The following ACBD4 variants were observed in gnomAD, a reference collection of about 807,000 sequenced individuals.
ACBD4 encodes acyl-CoA-binding domain-containing protein 4.
Under a neutral mutation model 46.0 loss-of-function variants are expected in ACBD4, and 41 were observed. The ratio of observed to expected loss-of-function variants is 0.89; its 90% CI spans 0.69 to 1.16. ACBD4 has a LOEUF of 1.16. Ranked by LOEUF, ACBD4 falls within the 50% of genes most tolerant of loss-of-function variation. The probability of loss-of-function intolerance (pLI) is 0.00; values close to 1 mark genes in which losing one functional copy is unlikely to be tolerated. For missense variants in ACBD4, 393 were observed against 399.5 expected (o/e 0.98, Z 0.14); for synonymous variants, 162 against 155.9 (o/e 1.04, Z -0.29).
intron 5 of ACBD4, 88 bp from the exon 6 acceptor site, chr17:45,137,280 T>TCCAC (rs1321315456): frequency 8.7e-6 from 14 of 1,600,330 alleles, no homozygotes; most frequent in Middle Eastern, 1.6e-4. Flanking sequence ...CCAGGCAGCA[T>TCCAC]CCACGGCTCA....
intron 8 of ACBD4, 33 bp downstream of exon 8, chr17:45,138,021 G>A: frequency 6.3e-7 from 1 of 1,591,074 alleles, no homozygotes; most frequent in Non-Finnish European, 8.6e-7. Flanking sequence ...ACCCACTTCT[G>A]CCCTTTCCCG....
At position 45,138,175 on chromosome 17, in the gene ACBD4, C is replaced by G. The variant is rs959372035; in HGVS notation, c.649+187C>G. 3.2e-5 allele frequency: 21 copies of G among 646,184 alleles called. No individual in the cohort carries two copies. The East Asian group carries it at 5.5e-4, about 17-fold the overall frequency. The allele number at this position is 646,184 out of a possible 1,614,324, so 40.0% of individuals were successfully genotyped here. A position where few individuals can be genotyped will look rare whatever the true frequency, so the allele number is the denominator to read the frequency against. On this transcript the variant is annotated intron_variant, in intron 8 of 9. Coordinates refer to ENST00000321854, the MANE Select transcript of ACBD4 (RefSeq NM_001135705.3). Reference sequence around the variant, plus strand: ...TGCCTGGATGGGCAAAGTCCCCGCCCTCCCTCCTCTCCCCAAAGGGCACCC... The same window carrying G: ...TGCCTGGATGGGCAAAGTCCCCGCCGTCCCTCCTCTCCCCAAAGGGCACCC...
chr17:45,132,800 T>G, upstream of ACBD4: 2 of 155,054 alleles, frequency 1.3e-5, no homozygotes, highest in Non-Finnish European at 2.9e-5. The surrounding 1 kb of genome is among the most constrained non-coding windows in gnomAD (Gnocchi z 4.6). Flanking sequence ...CACCCTCTCC[T>G]TCCCGGGGGC....
At chr17:45,136,887 C>T (rs2054879010) in intron 4 of ACBD4, 111 bp downstream of exon 4, 1 of 1,578,932 alleles carries the variant, frequency 6.3e-7, no homozygotes, top group Non-Finnish European at 8.7e-7. Flanking sequence ...GGAATCACCA[C>T]CTTCATGTTA....
rs1363756114 is a variant in ACBD4, at chr17:45,143,770, C to T, written c.*199C>T. 4 of 861,712 alleles carry T rather than the reference C, an allele frequency of 4.6e-6. No individual in the cohort carries two copies. The highest frequency in any genetic ancestry group is 3.5e-5 in the South Asian group (2 of 56,964). The allele number at this position is 861,712 out of a possible 1,614,324, so 53.4% of individuals were successfully genotyped here. On this transcript the variant is annotated 3_prime_UTR_variant, in exon 10 of 10. Transcript: ENST00000321854. ...TCACAGGGACGCTTCCTTCCCTCCC[C>T]GCAACCACCCCAGGCTCCCCTGGGA...
intron 9 of ACBD4, among the ~76,000 whole-genome samples, 153 bp downstream of exon 9, chr17:45,139,313 G>C (rs1301599747): frequency 6.6e-6 from 1 of 152,200 alleles, no homozygotes; most frequent in African/African-American, 2.4e-5. Context: ...GGCAGGAGGT[G>C]GGGGTGAGGG....
intron 4 of ACBD4, 30 bp from the exon 5 acceptor site, chr17:45,136,989 T>A: frequency 6.2e-7 from 1 of 1,613,518 alleles, no homozygotes; most frequent in Non-Finnish European, 8.5e-7. Context: ...AGGAGGCCAC[T>A]CCGTCCCCAA....
chr17:45,131,983 C>G (rs1032653623), upstream of ACBD4, among the ~76,000 whole-genome samples: 1 of 152,224 alleles, frequency 6.6e-6, no homozygotes, highest in African/African-American at 2.4e-5. Flanking sequence ...CCCACCAGCG[C>G]CCCGTGCCCG....
chr17:45,139,311 G>A (rs2055112414), intron 9 of ACBD4, 151 bp downstream of exon 9: 6 of 856,356 alleles, frequency 7.0e-6, no homozygotes, highest in African/African-American at 1.7e-5. Context: ...CAGGCAGGAG[G>A]TGGGGGTGAG....
At chr17:45,132,217 C>T, upstream of ACBD4, 1 of 1,252,578 alleles carries the variant, frequency 8.0e-7, no homozygotes, top group Non-Finnish European at 1.0e-6. The surrounding 1 kb of genome is among the most constrained non-coding windows in gnomAD (Gnocchi z 4.6). Context: ...ACGGTCCGCG[C>T]CCACCCCACC....
chr17:45,142,535 C>G (rs1449224109), intron 9 of ACBD4: 2 of 280,022 alleles, frequency 7.1e-6, no homozygotes, highest in Non-Finnish European at 1.4e-5. Context: ...ATTCAGTATT[C>G]CCAGGAGCCA....
At chr17:45,132,276 C>A (rs550742003), upstream of ACBD4, 130 of 1,274,102 alleles carry the variant, frequency 1.0e-4, no homozygotes, top group East Asian at 3.8e-3. The surrounding 1 kb of genome is among the most constrained non-coding windows in gnomAD (Gnocchi z 4.6). Flanking sequence ...GCAGCCCGGG[C>A]CTCTTGGTGC....
rs1848417401 is a variant in ACBD4 at position 45,135,927 on chromosome 17, A to T, written c.-64A>T. 2 of 553,170 alleles carry T rather than the reference A, an allele frequency of 3.6e-6. No homozygotes were observed. The highest frequency in any genetic ancestry group is 4.4e-5 in the South Asian group (2 of 45,356). The allele number at this position is 553,170 out of a possible 1,614,324, so 34.3% of individuals were successfully genotyped here. On this transcript the variant is annotated 5_prime_UTR_variant, in exon 1 of 10. Coordinates refer to ENST00000321854, the MANE Select transcript of ACBD4 (RefSeq NM_001135705.3). ...TCGCCACCTGCCTCGCCACCTGGCG[A>T]CCCTGACCCCACCACACTGCCTTGA... is the stretch of plus-strand genomic sequence containing the variant.
chr17:45,136,014 A>C (rs1291540787), intron 1 of ACBD4, 61 bp downstream of exon 1: 1 of 884,874 alleles, frequency 1.1e-6, no homozygotes, highest in Non-Finnish European at 1.7e-6. Context: ...GAGGCCTCTA[A>C]AGAGCTTAGT....
chr17:45,143,761 T>G lies in ACBD4; in HGVS notation c.*190T>G. On this transcript the variant is annotated 3_prime_UTR_variant, in exon 10 of 10. Transcript: ENST00000321854. ...CCTGCAGCTTCACAGGGACGCTTCC[T>G]TCCCTCCCCGCAACCACCCCAGGCT... is the stretch of plus-strand genomic sequence containing the variant. 4.3e-6 allele frequency: 4 copies of G among 937,590 alleles called. No individual in the cohort carries two copies. Among genetic ancestry groups the G allele is most frequent in the African/African-American group, 1.7e-5 (1 of 59,928 alleles). The allele number at this position is 937,590 out of a possible 1,614,324, so 58.1% of individuals were successfully genotyped here.
rs201108469 is a variant in ACBD4, at chr17:45,138,005, C to A, written c.649+17C>A. The A allele has an allele frequency of 3.7e-5, 59 of 1,609,122 alleles. No individual in the cohort carries two copies. In the East Asian group the frequency reaches 5.1e-4, roughly 14 times the overall value. On this transcript the variant is annotated intron_variant, in intron 8 of 9. Transcript: ENST00000321854. The stretch of plus-strand genomic sequence containing the variant: ...CAAAGAAAGGTGAGCTCCTACCCAA[C>A]CTCTCACCCACTTCTGCCCTTTCCC...
Position 45,136,484 on chromosome 17 carries a change from C to G in ACBD4, c.89-16C>G. ...GGGAGTGATGCTTTGCCCTGGCTTC[C>G]CAACTCTCTGCCCAGGTTCTTACCG... On this transcript the variant is annotated splice_polypyrimidine_tract_variant and intron_variant, in intron 2 of 9. Coordinates refer to ENST00000321854, the MANE Select transcript of ACBD4 (RefSeq NM_001135705.3). The G allele has an allele frequency of 6.2e-7, 1 of 1,608,602 alleles. No homozygotes were observed. Among genetic ancestry groups the G allele is most frequent in the South Asian group, 1.1e-5 (1 of 90,530 alleles).
upstream of ACBD4, among the ~76,000 whole-genome samples, chr17:45,134,499 G>A (rs909293037): frequency 3.9e-5 from 6 of 152,180 alleles, no homozygotes; most frequent in African/African-American, 1.4e-4. Flanking sequence ...ACAATAGGCC[G>A]GGCGCGGTGG....
At chr17:45,137,204 G>A (rs2054909581) in intron 5 of ACBD4, 65 bp downstream of exon 5, 3 of 1,608,702 alleles carry the variant, frequency 1.9e-6, no homozygotes, top group Non-Finnish European at 2.6e-6. Context: ...AGGCTGAGGT[G>A]GGCTGGGGGC....
Sources: allele counts gnomAD v4.1 joint callset (sites outside exome capture counted in the v4.1 genomes callset), GRCh38; gene constraint gnomAD v4.1.1; non-coding constraint Gnocchi (gnomAD v3.1); transcripts MANE v1.5; gene names NCBI Gene and HGNC (gene_info 2026-07-23, HGNC 2026-07-21).